APBB2: variants seen among roughly 807,000 people sequenced by gnomAD.
APBB2 encodes the protein Fe65-like 1.
In APBB2, 38 loss-of-function variants were observed where a neutral mutation model predicts 82.5. That is an observed-to-expected ratio of 0.46 (90% CI 0.36 to 0.60). APBB2 has a LOEUF of 0.60. Among genes scored for constraint, APBB2 ranks in the 20% least tolerant of loss-of-function variants. APBB2 has a pLI of 0.00. For synonymous variants in APBB2, 341 were observed against 368.2 expected, an observed-to-expected ratio of 0.93 and a Z score of 0.85; for missense variants, 772 against 972.3, an observed-to-expected ratio of 0.79 and a Z score of 2.74.
At chr4:40,918,446 T>C (rs1780372898) in intron 10 of APBB2, among the ~76,000 whole-genome samples, 1 of 152,244 alleles carries the variant, frequency 6.6e-6, no homozygotes, top group African/African-American at 2.4e-5. Flanking sequence ...GGGGAAAATG[T>C]TTTATAGGCA....
chr4:40,893,186 G>A lies in APBB2; in HGVS notation c.1401+79C>T, dbSNP rs1406255405. On this transcript the variant is annotated intron_variant, in intron 11 of 17. Transcript: ENST00000508593. ...ACACCTCGGAGCCCCTCAGTACCAT[G>A]TGTCACTGAGCTGTGGGGCTTCCTG... is the stretch of plus-strand genomic sequence containing the variant. 3 of 1,540,332 alleles carry A rather than the reference G, an allele frequency of 1.9e-6. No individual in the cohort carries two copies. The African/African-American group carries it at 4.1e-5, about 21-fold the overall frequency.
At chr4:41,034,221 T>C (rs1718220518) in intron 4 of APBB2, among the ~76,000 whole-genome samples, 1 of 146,112 alleles carries the variant, frequency 6.8e-6, no homozygotes, top group South Asian at 2.3e-4. Flanking sequence ...TGTTCTTCAG[T>C]GCACAGCTGG....
intron 3 of APBB2, among the ~76,000 whole-genome samples, chr4:41,066,549 A>G (rs1384625682): frequency 2.0e-5 from 3 of 152,228 alleles, no homozygotes; most frequent in Non-Finnish European, 2.9e-5. Flanking sequence ...ATTCATATCA[A>G]GCATGGGCGT....
chr4:40,912,897 C>T (rs550988621), intron 10 of APBB2, among the ~76,000 whole-genome samples: 55 of 152,234 alleles, frequency 3.6e-4, no homozygotes, highest in African/African-American at 1.2e-3. Context: ...ATTCTTACTC[C>T]CTGAAAGTGT....
chr4:40,837,665 C>T (rs183021394), intron 12 of APBB2, among the ~76,000 whole-genome samples: 1 of 152,322 alleles, frequency 6.6e-6, no homozygotes, highest in Non-Finnish European at 1.5e-5. Context: ...ATACCCTAGC[C>T]ATTTACAAGG....
intron 12 of APBB2, among the ~76,000 whole-genome samples, chr4:40,876,207 T>C (rs1052853963): frequency 2.6e-5 from 4 of 152,240 alleles, no homozygotes; most frequent in Non-Finnish European, 5.9e-5. Context: ...AGCAACCTTA[T>C]TGAGTATAAT....
intron 6 of APBB2, among the ~76,000 whole-genome samples, chr4:41,004,630 A>G (rs1806178223): frequency 6.6e-6 from 1 of 151,770 alleles, no homozygotes; most frequent in South Asian, 2.1e-4. Flanking sequence ...AGGTCAGGAG[A>G]TCGAGACCAT....
intron 3 of APBB2, among the ~76,000 whole-genome samples, chr4:41,072,187 T>A (rs1734134872): frequency 6.6e-6 from 1 of 152,166 alleles, no homozygotes; most frequent in Non-Finnish European, 1.5e-5. Context: ...GGATCTGAGT[T>A]GGAGATAAAT....
intron 12 of APBB2, chr4:40,849,035 G>T: frequency 3.2e-6 from 1 of 312,604 alleles, no homozygotes; most frequent in Non-Finnish European, 4.6e-6. Context: ...TCTTGAATAT[G>T]TGAATAAATA....
intron 6 of APBB2, among the ~76,000 whole-genome samples, chr4:40,992,241 T>C (rs144614134): frequency 1.3e-5 from 2 of 152,222 alleles, no homozygotes; most frequent in African/African-American, 4.8e-5. Context: ...GGCATAATTA[T>C]AGCCTTGACC....
intron 12 of APBB2, among the ~76,000 whole-genome samples, chr4:40,837,828 C>A (rs1450005592): frequency 6.6e-6 from 1 of 152,182 alleles, no homozygotes; most frequent in Non-Finnish European, 1.5e-5. Flanking sequence ...GTGACAGAAG[C>A]TAGTACCAGG....
intron 10 of APBB2, among the ~76,000 whole-genome samples, chr4:40,925,387 A>T (rs1201871648): frequency 1.3e-5 from 2 of 152,204 alleles, no homozygotes; most frequent in African/African-American, 4.8e-5. Flanking sequence ...TTTGCAGATG[A>T]AGAAACTGAG....
intron 12 of APBB2, among the ~76,000 whole-genome samples, chr4:40,836,545 G>C (rs1008447758): frequency 6.6e-6 from 1 of 152,194 alleles, no homozygotes; most frequent in South Asian, 2.1e-4. Context: ...GGGGAAGAAA[G>C]ACATTTAGAG....
chr4:41,005,811 GC>G (rs1806549213), intron 6 of APBB2, among the ~76,000 whole-genome samples: 1 of 152,208 alleles, frequency 6.6e-6, no homozygotes, highest in Admixed American at 6.5e-5. Flanking sequence ...CTTTTCAACA[GC>G]TCTGAGGGAC....
At chr4:41,091,325 C>T (rs1028230274) in intron 3 of APBB2, among the ~76,000 whole-genome samples, 1 of 151,880 alleles carries the variant, frequency 6.6e-6, no homozygotes, top group East Asian at 1.9e-4. Context: ...CACTTCTGCA[C>T]GTCCAAAGCA....
intron 10 of APBB2, among the ~76,000 whole-genome samples, chr4:40,927,058 A>G (rs1253033975): frequency 6.6e-6 from 1 of 152,228 alleles, no homozygotes; most frequent in African/African-American, 2.4e-5. Flanking sequence ...GCCACAGATC[A>G]GGGCTACTAC....
At chr4:41,003,679 C>T (rs1483521860) in intron 6 of APBB2, among the ~76,000 whole-genome samples, 1 of 152,144 alleles carries the variant, frequency 6.6e-6, no homozygotes, top group East Asian at 1.9e-4. Flanking sequence ...TACCCTAAAG[C>T]CTTCAAAGGG....
At chr4:41,136,356 A>G (rs1245750541) in intron 2 of APBB2, among the ~76,000 whole-genome samples, 1 of 152,246 alleles carries the variant, frequency 6.6e-6, no homozygotes, top group East Asian at 1.9e-4. Context: ...GACTGGGTTA[A>G]AAGTTTCATA....
rs564302265 is a variant in APBB2, at chr4:40,832,005, T to G, written c.1530-1428A>C. Among the ~76,000 whole-genome samples the G allele has an allele frequency of 7.2e-5, 4 of 55,186 alleles. No individual in the cohort carries two copies. The South Asian group carries it at 2.6e-3, about 35-fold the overall frequency. The allele number at this position is 55,186 out of a possible 152,430, so 36.2% of individuals were successfully genotyped here. On this transcript the variant is annotated intron_variant, in intron 12 of 17. Transcript: ENST00000508593. This position sits in a 1 kb window ranked among gnomAD's most constrained non-coding sequence, Gnocchi z 4.8. ...TTACACACACACATATTTATATATT[T>G]ATTTATATACACACACACACACACA...
Sources: allele counts gnomAD v4.1 joint callset (sites outside exome capture counted in the v4.1 genomes callset), GRCh38; gene constraint gnomAD v4.1.1; non-coding constraint Gnocchi (gnomAD v3.1); transcripts MANE v1.5; gene names NCBI Gene and HGNC (gene_info 2026-07-23, HGNC 2026-07-21).